Variants in COL25A1 observed in about 807,000 individuals in gnomAD.
The protein encoded by COL25A1 is collagen alpha-1(XXV) chain.
Under a neutral mutation model 128.4 loss-of-function variants are expected in COL25A1, and 103 were observed. That is an observed-to-expected ratio of 0.80 (90% confidence interval 0.68 to 0.94). COL25A1 has a LOEUF of 0.94. Among genes scored for constraint, COL25A1 ranks in the 40% least tolerant of loss-of-function variants. COL25A1 has a pLI of 0.00. For missense variants in COL25A1, 745 were observed against 840.0 expected (o/e 0.89, Z 1.40); for synonymous variants, 279 against 277.2 (o/e 1.01, Z -0.06).
chr4:108,896,195 G>A lies in COL25A1; in HGVS notation c.906+472C>T, dbSNP rs372734137. On this transcript the variant is annotated intron_variant, in intron 16 of 37. Transcript: ENST00000399132. ...GATCTGCTGACCTCATGATCCACCC[G>A]CCTCAGCCTCCCAAAGTGCTGGGAT... 2.5e-3 allele frequency among the ~76,000 whole-genome samples: 385 copies of A among 151,730 alleles called. 2 individuals carry two copies. The highest frequency in any genetic ancestry group is 8.2e-3 in the African/African-American group (340 of 41,398).
Position 108,901,167 on chromosome 4 carries a change from C to T in COL25A1, c.786G>A (p.Glu262=). The change falls in exon 14 of 38, where the codon GAG becomes GAA. Residue 262 remains glutamate, a synonymous_variant. Coordinates refer to ENST00000399132, the MANE Select transcript of COL25A1 (RefSeq NM_198721.4). ...GTCCTACTGCTCCAGGCAACCCGGG[C>T]TCACCCTCAAAATAGAAAAATAGAT... ...GIPGMNGQKG[E]PGLPGAVGQN... 6.2e-7 allele frequency: 1 copy of T among 1,611,364 alleles called. No homozygotes were observed. Among genetic ancestry groups the T allele is most frequent in the East Asian group, 2.2e-5 (1 of 44,818 alleles).
chr4:109,278,864 A>C (rs946025626), intron 3 of COL25A1, among the ~76,000 whole-genome samples: 1 of 152,184 alleles, frequency 6.6e-6, no homozygotes, highest in Non-Finnish European at 1.5e-5. Flanking sequence ...ACAGTTCTGG[A>C]GGCTGGGAAG....
intron 6 of COL25A1, among the ~76,000 whole-genome samples, chr4:108,992,157 T>C (rs1049473495): frequency 7.2e-5 from 11 of 152,170 alleles, no homozygotes; most frequent in African/African-American, 2.7e-4. Context: ...TAATACAGAA[T>C]TACAACACGC....
intron 3 of COL25A1, among the ~76,000 whole-genome samples, chr4:109,098,385 T>C (rs1765581611): frequency 6.6e-6 from 1 of 152,192 alleles, no homozygotes; most frequent in Non-Finnish European, 1.5e-5. Context: ...CAAGTGGCTG[T>C]TTCTCTTCAT....
At chr4:108,899,243 A>G in intron 14 of COL25A1, 63 bp from the exon 15 acceptor site, 1 of 1,450,768 alleles carries the variant, frequency 6.9e-7, no homozygotes, top group Non-Finnish European at 9.5e-7. Flanking sequence ...TATTATCATT[A>G]TTAAACAAAA....
intron 3 of COL25A1, among the ~76,000 whole-genome samples, chr4:109,246,370 T>C (rs1780267753): frequency 6.6e-6 from 1 of 152,162 alleles, no homozygotes; most frequent in African/African-American, 2.4e-5. Context: ...CTCTAGAGAC[T>C]ACATCATTTT....
intron 16 of COL25A1, among the ~76,000 whole-genome samples, chr4:108,895,889 C>T (rs1016731755): frequency 1.3e-5 from 2 of 151,470 alleles, no homozygotes; most frequent in Admixed American, 1.3e-4. Context: ...CATACTTTCC[C>T]CAAGTCCCCA....
rs762365661 is a variant in COL25A1, at chr4:108,889,235, G to A, written c.961C>T (p.Arg321Cys). ...GIKGEPGESG[R>C]PGQKGEPGLP... ...AGAGATATTACCTTTTGCCCTGGAC[G>A]ACCAGATTCCCCAGGTTCTCCCTGG... is the stretch of plus-strand genomic sequence containing the variant. Residue 321 changes from arginine (R) to cysteine (C), a missense_variant, in exon 18 of 38, where the codon CGT becomes TGT. This residue lies in a region of COL25A1 where 387 missense variants were observed against 441.9 expected (regional missense o/e 0.88). Coordinates refer to ENST00000399132, the MANE Select transcript of COL25A1 (RefSeq NM_198721.4). 74 of 1,613,404 alleles carry A rather than the reference G, an allele frequency of 4.6e-5. No homozygotes were observed. Among genetic ancestry groups the A allele is most frequent in the Non-Finnish European group, 6.1e-5 (72 of 1,179,560 alleles).
intron 3 of COL25A1, among the ~76,000 whole-genome samples, chr4:109,218,412 A>C (rs1385294464): frequency 8.8e-6 from 1 of 113,770 alleles, no homozygotes; most frequent in Non-Finnish European, 1.7e-5. Context: ...TCTCCATGGC[A>C]GCTTAAAAAG....
chr4:108,984,871 G>C (rs1299051565), intron 6 of COL25A1, among the ~76,000 whole-genome samples: 1 of 152,252 alleles, frequency 6.6e-6, no homozygotes, highest in African/African-American at 2.4e-5. Flanking sequence ...GAAGCGCCAA[G>C]AGCCAGCGAC....
chr4:109,159,368 T>C (rs1438592886), intron 3 of COL25A1, among the ~76,000 whole-genome samples: 1 of 152,092 alleles, frequency 6.6e-6, no homozygotes, highest in Non-Finnish European at 1.5e-5. Context: ...GGTGACAATA[T>C]TTTAAAGAAA....
chr4:109,033,047 A>G (rs1759014944), intron 5 of COL25A1, among the ~76,000 whole-genome samples: 1 of 152,256 alleles, frequency 6.6e-6, no homozygotes, highest in Non-Finnish European at 1.5e-5. Flanking sequence ...TAAAGGATGG[A>G]AAGCCAGTAT....
intron 13 of COL25A1, among the ~76,000 whole-genome samples, chr4:108,910,413 C>T (rs945326684): frequency 2.0e-5 from 3 of 152,152 alleles, no homozygotes; most frequent in African/African-American, 7.2e-5. Context: ...ACAATCTACC[C>T]TTATTTAACA....
At chr4:109,197,270 G>A (rs1157836057) in intron 3 of COL25A1, among the ~76,000 whole-genome samples, 1 of 146,860 alleles carries the variant, frequency 6.8e-6, no homozygotes, top group Non-Finnish European at 1.5e-5. Context: ...AAGGTGCAGT[G>A]AGCTATGATC....
chr4:109,007,342 A>T (rs1438990649), intron 6 of COL25A1, among the ~76,000 whole-genome samples: 2 of 152,216 alleles, frequency 1.3e-5, no homozygotes, highest in African/African-American at 4.8e-5. Flanking sequence ...TTTAATTTCA[A>T]ATCTAACAAT....
At chr4:108,966,995 G>A (rs141408166) in intron 8 of COL25A1, among the ~76,000 whole-genome samples, 1 of 152,056 alleles carries the variant, frequency 6.6e-6, no homozygotes, top group African/African-American at 2.4e-5. Flanking sequence ...TTATTAATAC[G>A]TGTTCTACTA....
chr4:108,999,814 C>G (rs1378922041), intron 6 of COL25A1, among the ~76,000 whole-genome samples: 3 of 152,130 alleles, frequency 2.0e-5, no homozygotes, highest in African/African-American at 7.2e-5. Flanking sequence ...ATGTCCTTTG[C>G]AGGCACATGG....
rs1046668608 is a variant in COL25A1, at chr4:108,809,432, G to A, written c.*4495C>T. ...AGACATTCTTTTGTGAATCCAATTC[G>A]TTAATATTTCTGAGATAGGTAAGAA... On this transcript the variant is annotated 3_prime_UTR_variant, in exon 38 of 38. Transcript: ENST00000399132. 3.3e-5 allele frequency: 5 copies of A among 152,026 alleles called. No individual in the cohort carries two copies. In the East Asian group the frequency reaches 5.8e-4, roughly 18 times the overall value. 9.4% of individuals were successfully genotyped at this position (152,026 alleles called of 1,614,324 possible). A position where few individuals can be genotyped will look rare whatever the true frequency, so the allele number is the denominator to read the frequency against.
At chr4:109,291,572 G>A (rs942117065) in intron 3 of COL25A1, among the ~76,000 whole-genome samples, 2 of 151,684 alleles carry the variant, frequency 1.3e-5, no homozygotes, top group Non-Finnish European at 2.9e-5. Flanking sequence ...ACTACCTTGT[G>A]GACTAAATAT....
Sources: gnomAD v4.1 joint callset for allele counts (sites outside exome capture counted in the v4.1 genomes callset) on GRCh38, gnomAD v4.1.1 for gene constraint, gnomAD v4.1.1 regional missense constraint, MANE v1.5 for transcripts, NCBI Gene and HGNC (gene_info 2026-07-23, HGNC 2026-07-21) for gene names.